The following PPP2R2C variants were observed in gnomAD, a reference collection of about 807,000 sequenced individuals.
PPP2R2C encodes the protein protein phosphatase 2 regulatory subunit Bgamma, also known as protein phosphatase 2, regulatory subunit B, gamma.
Under a neutral mutation model 45.3 loss-of-function variants are expected in PPP2R2C, and 10 were observed. That is an observed-to-expected ratio of 0.22 (90% CI 0.14 to 0.37). PPP2R2C has a LOEUF of 0.37. PPP2R2C is among the 10% of genes least tolerant of loss of function. PPP2R2C has a pLI of 1.00. For missense variants in PPP2R2C, 308 were observed against 619.7 expected, an observed-to-expected ratio of 0.50 and a Z score of 5.34; for synonymous variants, 257 against 245.4, an observed-to-expected ratio of 1.05 and a Z score of -0.44.
chr4:6,511,380 G>A (rs1053777919), intron 2 of PPP2R2C, among the ~76,000 whole-genome samples: 1 of 149,466 alleles, frequency 6.7e-6, no homozygotes, highest in Non-Finnish European at 1.5e-5. Context: ...TGGCGGTGAT[G>A]GTGGTGATGG....
intron 4 of PPP2R2C, among the ~76,000 whole-genome samples, chr4:6,374,416 T>A (rs771345944): frequency 3.3e-5 from 5 of 152,060 alleles, no homozygotes; most frequent in Non-Finnish European, 7.4e-5. Flanking sequence ...GAGTAAAACA[T>A]GCTGCCTCCG....
rs1714946948 is a variant in PPP2R2C, at chr4:6,372,655, G to A, written c.493C>T (p.Arg165Trp). 1 of 1,614,182 alleles carries A rather than the reference G, an allele frequency of 6.2e-7. No individual in the cohort carries two copies. Among genetic ancestry groups the A allele is most frequent in the South Asian group, 1.1e-5 (1 of 91,084 alleles). ...PMDLMVEVSP[R>W]RIFANGHTYH... ...GTGTGGCCATTGGCAAAGATCCTCC[G>A]AGGGCTCACCTCCACCATCAGATCC... Residue 165 changes from arginine (R) to tryptophan (W), a missense_variant, in exon 5 of 9, where the codon CGG becomes TGG. Coordinates refer to ENST00000382599, the MANE Select transcript of PPP2R2C (RefSeq NM_020416.4).
rs757014009 is a variant in PPP2R2C at position 6,329,267 on chromosome 4, G to T, written c.1047C>A (p.Ser349Arg). Reference sequence around the variant, plus strand: ...GGGCTGAGGTCAGGGCTTACCTGTCGCTCCCGTTCCAGGCACATTCAAACT... The same window carrying T: ...GGGCTGAGGTCAGGGCTTACCTGTCTCTCCCGTTCCAGGCACATTCAAACT... ...FDKFECAWNG[S>R]DSVIMTGAYN... The change falls in exon 8 of 9, where the codon AGC becomes AGA. Residue 349 changes from serine to arginine, a missense_variant. Transcript: ENST00000382599. This position sits in a 1 kb window ranked among gnomAD's most constrained non-coding sequence, Gnocchi z 5.8. 6.2e-7 allele frequency: 1 copy of T among 1,613,778 alleles called. No individual in the cohort carries two copies. The highest frequency in any genetic ancestry group is 8.5e-7 in the Non-Finnish European group (1 of 1,179,720).
intron 5 of PPP2R2C, chr4:6,349,969 C>G (rs1002381668): frequency 6.7e-5 from 66 of 985,370 alleles, no homozygotes; most frequent in South Asian, 9.4e-5. Context: ...AATGGCTGAT[C>G]TGTGCAGTCA....
intron 3 of PPP2R2C, among the ~76,000 whole-genome samples, chr4:6,377,634 G>A (rs1263378052): frequency 6.6e-6 from 1 of 152,132 alleles, no homozygotes; most frequent in Non-Finnish European, 1.5e-5. Context: ...ACCCCAGCCT[G>A]GGTGACAGAG....
At chr4:6,413,421 C>G (rs956568809) in intron 1 of PPP2R2C, among the ~76,000 whole-genome samples, 1 of 152,252 alleles carries the variant, frequency 6.6e-6, no homozygotes, top group Non-Finnish European at 1.5e-5. Flanking sequence ...AGGGTCAAAG[C>G]TACTCGGGGT....
At chr4:6,354,209 C>T (rs1013628721) in intron 5 of PPP2R2C, among the ~76,000 whole-genome samples, 14 of 151,900 alleles carry the variant, frequency 9.2e-5, no homozygotes, top group African/African-American at 2.7e-4. Flanking sequence ...CCCCACCACC[C>T]TGCGTGTTGG....
chr4:6,518,883 A>T (rs1429284091), intron 2 of PPP2R2C, among the ~76,000 whole-genome samples: 1 of 142,110 alleles, frequency 7.0e-6, no homozygotes, highest in Non-Finnish European at 1.5e-5. Flanking sequence ...AGATCACACC[A>T]TTGCACTCCA....
upstream of PPP2R2C, among the ~76,000 whole-genome samples, chr4:6,472,680 C>A (rs1272455708): frequency 1.3e-5 from 2 of 150,880 alleles, no homozygotes; most frequent in South Asian, 2.1e-4. Context: ...CCGCTCTCCG[C>A]CCCCGCGGCC....
Position 6,323,485 on chromosome 4 carries a change from C to T in PPP2R2C, c.1161G>A (p.Val387=). The T allele has an allele frequency of 6.2e-7, 1 of 1,611,998 alleles. No individual in the cohort carries two copies. The highest frequency in any genetic ancestry group is 8.5e-7 in the Non-Finnish European group (1 of 1,178,302). Residue 387 remains valine (V), a synonymous_variant, in exon 9 of 9, where the codon GTG becomes GTA. Transcript: ENST00000382599. ...ASRESSKPRA[V]LKPRRVCVGG... ...CCACGCACACGCGCCGTGGCTTGAG[C>T]ACAGCCCGGGGCTTGCTGCTTTCCC...
At chr4:6,557,843 C>G (rs1216434912) in intron 1 of PPP2R2C, among the ~76,000 whole-genome samples, 1 of 152,122 alleles carries the variant, frequency 6.6e-6, no homozygotes, top group Non-Finnish European at 1.5e-5. Context: ...ACTGGAGACC[C>G]AGATGACATG....
intron 1 of PPP2R2C, among the ~76,000 whole-genome samples, chr4:6,389,195 T>C (rs1030103223): frequency 6.6e-6 from 1 of 152,136 alleles, no homozygotes; most frequent in African/African-American, 2.4e-5. Context: ...CCAGGGTAAA[T>C]GTGAAATTCA....
chr4:6,339,076 C>A (rs1733234181), intron 6 of PPP2R2C, among the ~76,000 whole-genome samples: 1 of 152,242 alleles, frequency 6.6e-6, no homozygotes, highest in Non-Finnish European at 1.5e-5. Context: ...GCTGGTCTTT[C>A]TTACCAACTC....
chr4:6,403,884 C>A (rs1480368609), intron 1 of PPP2R2C, among the ~76,000 whole-genome samples: 6 of 147,842 alleles, frequency 4.1e-5, no homozygotes, highest in East Asian at 2.0e-4. Flanking sequence ...AAAAAAAGTA[C>A]AACAAATCCC....
chr4:6,482,393 G>A (rs952458257), intron 2 of PPP2R2C, among the ~76,000 whole-genome samples: 2 of 152,136 alleles, frequency 1.3e-5, no homozygotes, highest in Non-Finnish European at 2.9e-5. Context: ...CAGACAATCT[G>A]GATTAGGATC....
chr4:6,333,649 G>A lies in PPP2R2C; in HGVS notation c.873C>T (p.His291=), dbSNP rs1303471524. The change falls in exon 7 of 9, where the codon CAC becomes CAT. Residue 291 remains histidine, a synonymous_variant. Coordinates refer to ENST00000382599, the MANE Select transcript of PPP2R2C (RefSeq NM_020416.4). ...ISSVSDVKFS[H]SGRYMLTRDY... ...CCCGGGTGAGCATGTAGCGGCCGCT[G>A]TGGCTGAACTTCACGTCGGACACGG... The A allele has an allele frequency of 6.8e-6, 11 of 1,614,072 alleles. No individual in the cohort carries two copies. Among genetic ancestry groups the A allele is most frequent in the Middle Eastern group, 1.6e-4 (1 of 6,082 alleles).
rs543233385 is a variant in PPP2R2C at position 6,349,349 on chromosome 4, T to G, written c.626-1339A>C. On this transcript the variant is annotated intron_variant, in intron 5 of 8. Coordinates refer to ENST00000382599, the MANE Select transcript of PPP2R2C (RefSeq NM_020416.4). ...GAGTGAGTTCCCAGCTATCCATGCC[T>G]CAGCTTCCTCATCTGTAAAATGAGT... 4.2e-5 allele frequency: 41 copies of G among 975,504 alleles called. No individual in the cohort carries two copies. In the East Asian group the frequency reaches 4.0e-3, roughly 95 times the overall value. 60.4% of individuals were successfully genotyped at this position (975,504 alleles called of 1,614,324 possible).
At chr4:6,357,720 C>T (rs1472088323) in intron 5 of PPP2R2C, among the ~76,000 whole-genome samples, 2 of 152,214 alleles carry the variant, frequency 1.3e-5, no homozygotes, top group East Asian at 3.9e-4. Flanking sequence ...GAGCTCCTCA[C>T]CCTGGTGGGT....
chr4:6,383,260 A>G, intron 1 of PPP2R2C: 1 of 1,223,002 alleles, frequency 8.2e-7, no homozygotes, highest in Non-Finnish European at 1.0e-6. Context: ...GGCCAAGCCC[A>G]GCCTCCAGCA....
Sources: gnomAD v4.1 joint callset for allele counts (sites outside exome capture counted in the v4.1 genomes callset) on GRCh38, gnomAD v4.1.1 for gene constraint, Gnocchi (gnomAD v3.1) non-coding constraint, MANE v1.5 for transcripts, NCBI Gene and HGNC (gene_info 2026-07-23, HGNC 2026-07-21) for gene names.